The following ASTN1 variants were observed in gnomAD, a reference collection of about 807,000 sequenced individuals.
ASTN1 encodes the protein astrotactin-1.
In ASTN1, 41 loss-of-function variants were observed where a neutral mutation model predicts 140.7. The ratio of observed to expected loss-of-function variants is 0.29; its 90% CI spans 0.23 to 0.38. The LOEUF (loss-of-function observed/expected upper bound fraction) is 0.38. Ranked by LOEUF, ASTN1 falls within the 10% of genes least tolerant of loss-of-function variation. ASTN1 has a pLI of 1.00. For synonymous variants in ASTN1, 640 were observed against 652.2 expected (o/e 0.98, Z 0.29); for missense variants, 1,479 against 1,678.8 (o/e 0.88, Z 2.08).
intron 8 of ASTN1, among the ~76,000 whole-genome samples, chr1:176,969,467 C>T (rs1673040518): frequency 6.6e-6 from 1 of 152,138 alleles, no homozygotes; most frequent in African/African-American, 2.4e-5. Context: ...TAAGCAGAGG[C>T]TTCTAAAGAG....
intron 2 of ASTN1, among the ~76,000 whole-genome samples, chr1:177,044,176 T>TACTC (rs1553248862): frequency 7.0e-6 from 1 of 143,316 alleles, no homozygotes; most frequent in Non-Finnish European, 1.5e-5. Flanking sequence ...AAAAAAAAAA[T>TACTC]ACACACACAC....
intron 5 of ASTN1, among the ~76,000 whole-genome samples, chr1:177,029,193 A>C (rs1347296592): frequency 1.3e-5 from 2 of 152,188 alleles, no homozygotes; most frequent in African/African-American, 4.8e-5. Context: ...CAGGCCATAG[A>C]TCATTCCTCA....
chr1:177,032,702 C>T lies in ASTN1; in HGVS notation c.619G>A (p.Val207Met), dbSNP rs780426972. The T allele has an allele frequency of 3.7e-6, 6 of 1,614,036 alleles. No individual in the cohort carries two copies. The Admixed American group carries it at 8.3e-5, about 22-fold the overall frequency. ...TCCCGTCCGTGCCCGCCGATCAGCA[C>T]AGAAGGAATGTAGTGAATCTCATTG... ...AANEIHYIPSVLIGGHGRESL... is the reference protein window; with the variant it reads ...AANEIHYIPSMLIGGHGRESL... Residue 207 changes from valine to methionine, a missense_variant, in exon 3 of 23, where the codon GTG becomes ATG. Coordinates refer to ENST00000361833, the MANE Select transcript of ASTN1 (RefSeq NM_004319.3).
chr1:177,023,359 C>T, intron 7 of ASTN1, 45 bp downstream of exon 7: 2 of 1,532,888 alleles, frequency 1.3e-6, no homozygotes, highest in Non-Finnish European at 8.8e-7. Flanking sequence ...TTGCAAGAGG[C>T]ATGATCTCTC....
rs1669829217 is a variant in ASTN1, at chr1:176,902,897, G to T, written c.2672-8067C>A. ...AGCCCATGCATCTTAAGAGGAACAA[G>T]AATTAAATCCAAGAACTGCTGGGAA... On this transcript the variant is annotated intron_variant, in intron 16 of 22. Transcript: ENST00000361833. Among the ~76,000 whole-genome samples the T allele has an allele frequency of 2.0e-5, 3 of 152,160 alleles. No homozygotes were observed. In the South Asian group the frequency reaches 6.2e-4, roughly 32 times the overall value.
intron 17 of ASTN1, among the ~76,000 whole-genome samples, chr1:176,893,944 G>A (rs902610315): frequency 1.3e-5 from 2 of 152,164 alleles, no homozygotes; most frequent in Admixed American, 1.3e-4. Context: ...CTTTGGAAAG[G>A]GAGAGGCAGA....
intron 1 of ASTN1, among the ~76,000 whole-genome samples, chr1:177,141,256 C>A (rs2102224077): frequency 6.6e-6 from 1 of 152,128 alleles, no homozygotes; most frequent in Admixed American, 6.6e-5. Flanking sequence ...AGAGCACTTA[C>A]TTCCTAGGAT....
intron 1 of ASTN1, among the ~76,000 whole-genome samples, chr1:177,086,467 T>G (rs926986158): frequency 6.6e-6 from 1 of 152,176 alleles, no homozygotes; most frequent in Non-Finnish European, 1.5e-5. Flanking sequence ...CCTAAAAATG[T>G]TCCTCTTTGG....
Position 177,032,928 on chromosome 1 carries a change from C to A in ASTN1, c.472-79G>T, listed in dbSNP as rs1264678471. ...AAAGAGTCACTGCTCCTTCTGCTAC[C>A]ACCATTCATCACTTATTTATGCATT... On this transcript the variant is annotated intron_variant, in intron 2 of 22. Transcript: ENST00000361833. The A allele has an allele frequency of 2.8e-6, 4 of 1,406,964 alleles. No individual in the cohort carries two copies. The African/African-American group carries it at 5.7e-5, about 20-fold the overall frequency. The allele number at this position is 1,406,964 out of a possible 1,614,324, so 87.2% of individuals were successfully genotyped here. A position where few individuals can be genotyped will look rare whatever the true frequency, so the allele number is the denominator to read the frequency against.
intron 8 of ASTN1, among the ~76,000 whole-genome samples, chr1:176,978,380 G>T (rs1673459488): frequency 6.6e-6 from 1 of 152,156 alleles, no homozygotes; most frequent in Non-Finnish European, 1.5e-5. Flanking sequence ...CAGAGGGAGA[G>T]GAACCAGTAG....
intron 18 of ASTN1, 76 bp from the exon 19 acceptor site, chr1:176,884,566 G>T (rs2103028466): frequency 6.8e-7 from 1 of 1,472,102 alleles, no homozygotes; most frequent in Non-Finnish European, 9.3e-7. Context: ...CCTCAATTGT[G>T]ATACTGTAAG....
At chr1:177,122,162 C>T (rs1681423815) in intron 1 of ASTN1, among the ~76,000 whole-genome samples, 1 of 152,050 alleles carries the variant, frequency 6.6e-6, no homozygotes. Flanking sequence ...AAATGAGTTG[C>T]AATAAGGAAG....
intron 16 of ASTN1, among the ~76,000 whole-genome samples, chr1:176,902,269 T>A (rs1459695515): frequency 7.2e-5 from 11 of 152,258 alleles, no homozygotes; most frequent in Admixed American, 5.9e-4. Context: ...TCCAATTTCC[T>A]GCCTGCCTCA....
chr1:177,163,905 G>A (rs116239393), intron 1 of ASTN1, among the ~76,000 whole-genome samples: 3,840 of 152,234 alleles, frequency 0.025, 69 homozygotes, highest in Admixed American at 0.035. Context: ...ACTAGAATCT[G>A]GCTTGCACAT....
At chr1:176,995,102 T>C (rs898255648) in intron 8 of ASTN1, among the ~76,000 whole-genome samples, 1 of 152,212 alleles carries the variant, frequency 6.6e-6, no homozygotes, top group Non-Finnish European at 1.5e-5. Context: ...AGAGATTTGA[T>C]AGAACTTGCA....
At chr1:177,155,786 A>G (rs1683209117) in intron 1 of ASTN1, among the ~76,000 whole-genome samples, 1 of 152,140 alleles carries the variant, frequency 6.6e-6, no homozygotes, top group African/African-American at 2.4e-5. Flanking sequence ...ATCAGTATGA[A>G]CTCATGATTA....
chr1:176,861,657 T>C lies in ASTN1; in HGVS notation c.*2627A>G, dbSNP rs1667966159. ...CTTGAATGTAAGTAGGAGCCAGTCA[T>C]AGGAGTTGTGTGCATTGTGTGTGCA... On this transcript the variant is annotated 3_prime_UTR_variant, in exon 23 of 23. Coordinates refer to ENST00000361833, the MANE Select transcript of ASTN1 (RefSeq NM_004319.3). 2 of 985,262 alleles carry C rather than the reference T, an allele frequency of 2.0e-6. No homozygotes were observed. The highest frequency in any genetic ancestry group is 4.7e-5 in the South Asian group (1 of 21,278). The allele number at this position is 985,262 out of a possible 1,614,324, so 61.0% of individuals were successfully genotyped here. A position where few individuals can be genotyped will look rare whatever the true frequency, so the allele number is the denominator to read the frequency against.
At chr1:176,977,851 CA>C (rs1673431853) in intron 8 of ASTN1, among the ~76,000 whole-genome samples, 1 of 152,204 alleles carries the variant, frequency 6.6e-6, no homozygotes, top group South Asian at 2.1e-4. Flanking sequence ...TATCAGTACC[CA>C]CTCCTGCAGA....
At chr1:176,857,653 G>A (rs1472278733), downstream of ASTN1, 3 of 611,610 alleles carry the variant, frequency 4.9e-6, no homozygotes, top group African/African-American at 3.8e-5. Flanking sequence ...CTGGAAGCCT[G>A]TTGACAAAGG....
Sources: allele counts gnomAD v4.1 joint callset (sites outside exome capture counted in the v4.1 genomes callset), GRCh38; gene constraint gnomAD v4.1.1; transcripts MANE v1.5; gene names NCBI Gene and HGNC (gene_info 2026-07-23, HGNC 2026-07-21).